The following KLF3 variants were observed in gnomAD, a reference collection of about 807,000 sequenced individuals.
KLF3 encodes the protein KLF transcription factor 3, also known as Krueppel-like factor 3.
Under a neutral mutation model 32.7 loss-of-function variants are expected in KLF3, and 6 were observed. The ratio of observed to expected loss-of-function variants is 0.18; its 90% CI spans 0.10 to 0.36. The LOEUF (loss-of-function observed/expected upper bound fraction) is 0.36. KLF3 is among the 10% of genes least tolerant of loss of function. The probability of loss-of-function intolerance (pLI) is 1.00; values close to 1 mark genes in which losing one functional copy is unlikely to be tolerated. For synonymous variants in KLF3, 145 were observed against 172.8 expected (o/e 0.84, Z 1.26); for missense variants, 338 against 449.7 (o/e 0.75, Z 2.25).
intron 2 of KLF3, among the ~76,000 whole-genome samples, chr4:38,684,926 G>A (rs1391660182): frequency 6.6e-6 from 1 of 152,190 alleles, no homozygotes; most frequent in Non-Finnish European, 1.5e-5. Context: ...ACCCATGTCT[G>A]TGTCTTGTCT....
At chr4:38,691,001 C>T (rs757176187) in intron 4 of KLF3, among the ~76,000 whole-genome samples, 2 of 152,136 alleles carry the variant, frequency 1.3e-5, no homozygotes, top group Non-Finnish European at 2.9e-5. Context: ...AAGAGAATAA[C>T]TCTTAGCCGA....
At chr4:38,684,207 A>T (rs1722620627) in intron 2 of KLF3, among the ~76,000 whole-genome samples, 1 of 152,240 alleles carries the variant, frequency 6.6e-6, no homozygotes, top group South Asian at 2.1e-4. Context: ...GCATAAAGTG[A>T]TAGAGCTTTG....
In KLF3 at chr4:38,678,406, C is replaced by CTGT. The variant is rs1722414940; in HGVS notation, c.-39-2178_-39-2176dup. 3.9e-5 allele frequency among the ~76,000 whole-genome samples: 6 copies of CTGT among 152,302 alleles called. No homozygotes were observed. The South Asian group carries it at 1.2e-3, about 32-fold the overall frequency. On this transcript the variant is annotated intron_variant, in intron 1 of 5. Transcript: ENST00000261438. Reference sequence around the variant, plus strand: ...TACGAAATCATCTATTTTTCACTGGCTGTTGCGGTTAGTTCTTGCTGGAAT... The same window carrying CTGT: ...TACGAAATCATCTATTTTTCACTGGCTGTTGTTGCGGTTAGTTCTTGCTGGAAT...
At chr4:38,693,598 T>G (rs1436013285) in intron 4 of KLF3, among the ~76,000 whole-genome samples, 2 of 152,166 alleles carry the variant, frequency 1.3e-5, no homozygotes, top group Non-Finnish European at 2.9e-5. Flanking sequence ...CACACACCTT[T>G]TTTCTCCTCA....
rs563579415 is a variant in KLF3, at chr4:38,699,761, A to G, written c.*2498A>G. 1 of 152,330 alleles carries G rather than the reference A, an allele frequency of 6.6e-6. No homozygotes were observed. Among genetic ancestry groups the G allele is most frequent in the South Asian group, 2.1e-4 (1 of 4,828 alleles). The allele number at this position is 152,330 out of a possible 1,614,324, so 9.4% of individuals were successfully genotyped here. ...AAGCAACCCAGAGCGGCCATTCTCT[A>G]TTCCCATGCTGGTCAATACGCTTTC... On this transcript the variant is annotated 3_prime_UTR_variant, in exon 6 of 6. Coordinates refer to ENST00000261438, the MANE Select transcript of KLF3 (RefSeq NM_016531.6).
chr4:38,679,567 G>A (rs1383645823), intron 1 of KLF3, among the ~76,000 whole-genome samples: 2 of 152,186 alleles, frequency 1.3e-5, no homozygotes, highest in Non-Finnish European at 2.9e-5. Context: ...TGTGCAGGAG[G>A]ATATATTTAA....
In KLF3 at chr4:38,701,035, A is replaced by G. The variant is rs903856361; in HGVS notation, c.*3772A>G. On this transcript the variant is annotated 3_prime_UTR_variant, in exon 6 of 6. Transcript: ENST00000261438. ...TATACTTGTTAATAAAACCATCAGAATATTAAATGTGATCATGTGATTACT... is the reference window on the plus strand; with the variant it reads ...TATACTTGTTAATAAAACCATCAGAGTATTAAATGTGATCATGTGATTACT... 3.3e-5 allele frequency: 5 copies of G among 152,218 alleles called. No individual in the cohort carries two copies. Among genetic ancestry groups the G allele is most frequent in the African/African-American group, 1.2e-4 (5 of 41,450 alleles). The allele number at this position is 152,218 out of a possible 1,614,324, so 9.4% of individuals were successfully genotyped here. A position where few individuals can be genotyped will look rare whatever the true frequency, so the allele number is the denominator to read the frequency against.
intron 4 of KLF3, 85 bp from the exon 5 acceptor site, chr4:38,694,661 C>T: frequency 8.5e-7 from 1 of 1,176,560 alleles, no homozygotes; most frequent in Non-Finnish European, 1.2e-6. Context: ...TTTGTTTTTG[C>T]CCAGTGTTGT....
Position 38,701,363 on chromosome 4 carries a change from C to A in KLF3, c.*4100C>A, listed in dbSNP as rs140138141. 6.7e-6 allele frequency among the ~76,000 whole-genome samples: 1 copy of A among 148,150 alleles called. No individual in the cohort carries two copies. The highest frequency in any genetic ancestry group is 1.5e-5 in the Non-Finnish European group (1 of 66,412). ...TTTGTTATTTATGAACCCCTGCCTG[C>A]TTCCAAAAAGAACTTGCAGCATTTT... is the stretch of plus-strand genomic sequence containing the variant. On this transcript the variant is annotated 3_prime_UTR_variant, in exon 6 of 6. Transcript: ENST00000261438.
chr4:38,688,785 C>G lies in KLF3; in HGVS notation c.258C>G (p.Ser86=). 6.2e-7 allele frequency: 1 copy of G among 1,614,236 alleles called. No individual in the cohort carries two copies. Among genetic ancestry groups the G allele is most frequent in the Non-Finnish European group, 8.5e-7 (1 of 1,180,042 alleles). ...GNSPSSLKFP[S]SHRRASPGLS... ...CGCCCTCCTCTCTGAAGTTCCCGTC[C>G]TCACACCGGAGAGCCTCGCCTGGGT... Residue 86 remains serine (S), a synonymous_variant, in exon 3 of 6, where the codon TCC becomes TCG. Transcript: ENST00000261438. The surrounding 1 kb of genome is among the most constrained non-coding windows in gnomAD (Gnocchi z 4.9).
intron 1 of KLF3, among the ~76,000 whole-genome samples, chr4:38,668,411 G>A (rs1416436529): frequency 1.3e-5 from 2 of 151,792 alleles, no homozygotes; most frequent in East Asian, 3.9e-4. Context: ...AGCAAATCAG[G>A]CTCTCTTCTC....
intron 1 of KLF3, among the ~76,000 whole-genome samples, chr4:38,679,782 C>G (rs1029522794): frequency 4.6e-5 from 7 of 152,128 alleles, no homozygotes; most frequent in African/African-American, 1.7e-4. Context: ...GTACTAAATA[C>G]CATGTACACT....
chr4:38,684,543 T>G (rs1269011987), intron 2 of KLF3, among the ~76,000 whole-genome samples: 4 of 4,352 alleles, frequency 9.2e-4, no homozygotes, highest in African/African-American at 8.2e-3. Context: ...TTTTTTGTGT[T>G]TTTTTTTTTT....
At chr4:38,692,419 CAAAA>C (rs1722901447) in intron 4 of KLF3, among the ~76,000 whole-genome samples, 2 of 152,140 alleles carry the variant, frequency 1.3e-5, no homozygotes. Context: ...GGGACATCCT[CAAAA>C]AACTCATGAA....
chr4:38,693,352 A>G (rs1325149890), intron 4 of KLF3, among the ~76,000 whole-genome samples: 3 of 127,118 alleles, frequency 2.4e-5, no homozygotes. Flanking sequence ...GTTTTTTTTA[A>G]AAAAAAAAAG....
chr4:38,673,764 G>A (rs1211622852), intron 1 of KLF3, among the ~76,000 whole-genome samples: 1 of 151,990 alleles, frequency 6.6e-6, no homozygotes, highest in Non-Finnish European at 1.5e-5. Flanking sequence ...TGTCCTTATT[G>A]ACATGCAAAA....
intron 1 of KLF3, among the ~76,000 whole-genome samples, chr4:38,676,956 G>GTTTTTTTTT (rs34392158): frequency 9.5e-6 from 1 of 105,532 alleles, no homozygotes; most frequent in Non-Finnish European, 1.9e-5. Flanking sequence ...GTGCCAGTGT[G>GTTTTTTTTT]TTTTTTTTTT....
At chr4:38,672,858 A>G (rs1037486199) in intron 1 of KLF3, among the ~76,000 whole-genome samples, 1 of 152,060 alleles carries the variant, frequency 6.6e-6, no homozygotes, top group African/African-American at 2.4e-5. Context: ...CTGGCCCCCA[A>G]GGCAGGAGGG....
At chr4:38,679,418 G>C (rs1241506157) in intron 1 of KLF3, among the ~76,000 whole-genome samples, 1 of 152,208 alleles carries the variant, frequency 6.6e-6, no homozygotes, top group Non-Finnish European at 1.5e-5. Context: ...GCTGGTGGAG[G>C]TTTGGGGAAA....
Sources: gnomAD v4.1 joint callset for allele counts (sites outside exome capture counted in the v4.1 genomes callset) on GRCh38, gnomAD v4.1.1 for gene constraint, Gnocchi (gnomAD v3.1) non-coding constraint, MANE v1.5 for transcripts, NCBI Gene and HGNC (gene_info 2026-07-23, HGNC 2026-07-21) for gene names.